SND1: variants seen among roughly 807,000 people sequenced by gnomAD.
The protein encoded by SND1 is staphylococcal nuclease domain-containing protein 1.
SND1 carries 38 observed loss-of-function variants against 121.7 expected under a neutral mutation model. The ratio of observed to expected loss-of-function variants is 0.31; its 90% CI spans 0.24 to 0.41. The LOEUF is 0.41. SND1 is among the 10% of genes least tolerant of loss of function. SND1 has a pLI of 1.00. For synonymous variants in SND1, 401 were observed against 447.4 expected, an observed-to-expected ratio of 0.90 and a Z score of 1.31; for missense variants, 868 against 1,184.6, an observed-to-expected ratio of 0.73 and a Z score of 3.92.
chr7:127,896,485 C>A (rs183578358), intron 13 of SND1, among the ~76,000 whole-genome samples: 1 of 152,096 alleles, frequency 6.6e-6, no homozygotes, highest in Non-Finnish European at 1.5e-5. Context: ...ATTCTCAGCA[C>A]CCTGCCCCCT....
chr7:127,919,404 A>G (rs187974357), intron 14 of SND1, among the ~76,000 whole-genome samples: 3 of 151,958 alleles, frequency 2.0e-5, no homozygotes, highest in African/African-American at 7.2e-5. Context: ...TAAATTTTTT[A>G]CTCTGCACAT....
At chr7:128,079,426 G>A (rs1165131181) in intron 17 of SND1, among the ~76,000 whole-genome samples, 1 of 152,266 alleles carries the variant, frequency 6.6e-6, no homozygotes, top group Non-Finnish European at 1.5e-5. Context: ...GCAGCAGTGT[G>A]TACAGAGGTC....
intron 15 of SND1, among the ~76,000 whole-genome samples, chr7:127,953,770 T>C (rs1028263220): frequency 8.5e-5 from 13 of 152,246 alleles, no homozygotes; most frequent in Non-Finnish European, 1.9e-4. Flanking sequence ...TTGTTAATTT[T>C]CATTTATTCA....
intron 12 of SND1, among the ~76,000 whole-genome samples, chr7:127,853,556 C>T (rs914012592): frequency 2.6e-5 from 4 of 152,142 alleles, no homozygotes; most frequent in African/African-American, 9.7e-5. Flanking sequence ...AAGCAAAGTC[C>T]TCTAGCACCT....
At chr7:127,867,421 G>A (rs572989930) in intron 12 of SND1, among the ~76,000 whole-genome samples, 2 of 152,132 alleles carry the variant, frequency 1.3e-5, no homozygotes, top group Admixed American at 6.5e-5. Context: ...CCACTATTCA[G>A]TCTCTGGGTG....
At chr7:127,680,960 C>T (rs1795714472) in intron 1 of SND1, among the ~76,000 whole-genome samples, 1 of 152,084 alleles carries the variant, frequency 6.6e-6, no homozygotes, top group African/African-American at 2.4e-5. Context: ...TCTTCACAAT[C>T]CACGTTCTTC....
chr7:127,656,124 G>A (rs1257546834), intron 1 of SND1, among the ~76,000 whole-genome samples: 2 of 152,140 alleles, frequency 1.3e-5, no homozygotes, highest in East Asian at 3.9e-4. Context: ...AGGGACACAA[G>A]GGAGGAAAGG....
chr7:127,841,580 G>A (rs1798966242), intron 11 of SND1, among the ~76,000 whole-genome samples: 1 of 152,204 alleles, frequency 6.6e-6, no homozygotes, highest in Middle Eastern at 3.4e-3. Context: ...TTGTTGTGAG[G>A]CCTTGTCTGA....
At chr7:128,025,847 C>T (rs1563092432) in intron 16 of SND1, among the ~76,000 whole-genome samples, 1 of 152,150 alleles carries the variant, frequency 6.6e-6, no homozygotes. Context: ...CCTTCTCCCA[C>T]AGATTGAAGC....
chr7:127,770,443 A>G (rs1797493812), intron 10 of SND1, among the ~76,000 whole-genome samples: 1 of 152,248 alleles, frequency 6.6e-6, no homozygotes, highest in Non-Finnish European at 1.5e-5. Context: ...ATCATTTTGC[A>G]TACCTGCACT....
intron 16 of SND1, among the ~76,000 whole-genome samples, chr7:128,044,778 A>T (rs1034472957): frequency 5.3e-5 from 8 of 151,972 alleles, no homozygotes; most frequent in African/African-American, 1.9e-4. Flanking sequence ...GCCTTTTCCC[A>T]TTCAGTACTT....
At chr7:127,828,558 A>G (rs2116619179) in intron 11 of SND1, among the ~76,000 whole-genome samples, 1 of 152,246 alleles carries the variant, frequency 6.6e-6, no homozygotes, top group Middle Eastern at 3.4e-3. Flanking sequence ...TGGTTATTGT[A>G]TCATGATGCT....
At chr7:127,703,669 A>G (rs1291598249) in intron 7 of SND1, among the ~76,000 whole-genome samples, 2 of 152,124 alleles carry the variant, frequency 1.3e-5, no homozygotes. Flanking sequence ...CCGAGATTGC[A>G]CCACTGCACT....
At chr7:128,009,037 G>A (rs1442387540) in intron 16 of SND1, among the ~76,000 whole-genome samples, 1 of 152,074 alleles carries the variant, frequency 6.6e-6, no homozygotes, top group Non-Finnish European at 1.5e-5. Context: ...GTAATAATAA[G>A]CATTTTTATG....
At chr7:127,708,890 A>G (rs907844816) in intron 9 of SND1, among the ~76,000 whole-genome samples, 1 of 152,222 alleles carries the variant, frequency 6.6e-6, no homozygotes, top group Non-Finnish European at 1.5e-5. Context: ...TCAACTAACC[A>G]TGAGTTTAGG....
intron 16 of SND1, among the ~76,000 whole-genome samples, chr7:128,045,054 G>A (rs1792922792): frequency 6.6e-6 from 1 of 152,146 alleles, no homozygotes; most frequent in South Asian, 2.1e-4. Flanking sequence ...CACATAGATA[G>A]CGTGGAAACT....
chr7:128,068,670 A>G (rs1463776140), intron 16 of SND1, among the ~76,000 whole-genome samples: 1 of 152,196 alleles, frequency 6.6e-6, no homozygotes, highest in Non-Finnish European at 1.5e-5. Context: ...GTTTGATTTC[A>G]GCCACGGAGC....
intron 15 of SND1, among the ~76,000 whole-genome samples, chr7:127,930,195 G>A (rs1024592499): frequency 1.6e-5 from 2 of 127,178 alleles, no homozygotes; most frequent in South Asian, 2.8e-4. Flanking sequence ...GACATATCCC[G>A]CCGTGGTCCC....
intron 16 of SND1, among the ~76,000 whole-genome samples, chr7:128,053,886 G>C (rs1452431949): frequency 6.6e-6 from 1 of 152,116 alleles, no homozygotes; most frequent in East Asian, 1.9e-4. Context: ...GCTTTTCCCC[G>C]ACCCCAGGCC....
Sources: gnomAD v4.1 joint callset for allele counts (sites outside exome capture counted in the v4.1 genomes callset) on GRCh38, gnomAD v4.1.1 for gene constraint, MANE v1.5 for transcripts, NCBI Gene and HGNC (gene_info 2026-07-23, HGNC 2026-07-21) for gene names.